IDUA: variants seen among roughly 807,000 people sequenced by gnomAD.
IDUA encodes the protein iduronidase alpha-L-.
Under a neutral mutation model 68.9 loss-of-function variants are expected in IDUA, and 65 were observed. That is an observed-to-expected ratio of 0.94 (90% CI 0.77 to 1.16). The LOEUF (loss-of-function observed/expected upper bound fraction) is 1.16. IDUA is among the 50% of genes most tolerant of loss of function. The pLI is 0.00. For missense variants in IDUA, 1,046 were observed against 938.0 expected, an observed-to-expected ratio of 1.12 and a Z score of -1.50; for synonymous variants, 529 against 433.6, an observed-to-expected ratio of 1.22 and a Z score of -2.73.
chr4:989,390 C>A (rs187110381), intron 2 of IDUA: 10 of 1,569,370 alleles, frequency 6.4e-6, no homozygotes, highest in Non-Finnish European at 8.6e-6. Context: ...GCCGTGTCCC[C>A]GATGCGGGCC....
At chr4:1,003,181 G>GGGGCCGGGCC in intron 10 of IDUA, 24 bp downstream of exon 10, 1 of 1,328,988 alleles carries the variant, frequency 7.5e-7, no homozygotes, top group Non-Finnish European at 9.6e-7. Flanking sequence ...GGAGGGGCGA[G>GGGGCCGGGCC]GGGCCGGGCC....
Position 1,002,045 on chromosome 4 carries a change from C to T in IDUA, c.856C>T (p.Leu286Phe). 6.3e-7 allele frequency: 1 copy of T among 1,598,194 alleles called. No homozygotes were observed. Among genetic ancestry groups the T allele is most frequent in the South Asian group, 1.1e-5 (1 of 88,190 alleles). The change falls in exon 7 of 14, where the codon CTC becomes TTC. Residue 286 changes from leucine (L) to phenylalanine (F), a missense_variant. Transcript: ENST00000514224. ...EKVVAQQIRQLFPKFADTPIY... is the reference protein window; with the variant it reads ...EKVVAQQIRQFFPKFADTPIY... ...GGTCGTCGCGCAGCAGATCCGGCAGCTCTTCCCCAAGTTCGCGGACACCCC... is the reference window on the plus strand; with the variant it reads ...GGTCGTCGCGCAGCAGATCCGGCAGTTCTTCCCCAAGTTCGCGGACACCCC...
In IDUA at chr4:991,449, C is replaced by T. The variant is rs147094131; in HGVS notation, c.299+3500C>T. 2,521 of 1,612,720 alleles carry T rather than the reference C, an allele frequency of 1.6e-3. 4 individuals carry two copies. Among genetic ancestry groups the T allele is most frequent in the Non-Finnish European group, 2.0e-3 (2,320 of 1,179,910 alleles). On this transcript the variant is annotated intron_variant, in intron 2 of 13. Transcript: ENST00000514224. ...CCAGCAATGAGTAGGCGATGGCCTG[C>T]GGCACCAGGATGATGCCGATGACCA...
rs1374287949 is a variant in IDUA at position 1,002,868 on chromosome 4, G to A, written c.1326G>A (p.Ala442=). ...GGCGCGCCGCGGTGCTGATCTACGC[G>A]AGCGACGACACCCGCGCCCACCCCA... ...DAWRAAVLIY[A]SDDTRAHPNR... The change falls in exon 9 of 14, where the codon GCG becomes GCA. Residue 442 remains alanine (A), a synonymous_variant. Coordinates refer to ENST00000514224, the MANE Select transcript of IDUA (RefSeq NM_000203.5). 10 of 1,445,110 alleles carry A rather than the reference G, an allele frequency of 6.9e-6. No individual in the cohort carries two copies. The highest frequency in any genetic ancestry group is 7.2e-6 in the Non-Finnish European group (8 of 1,105,012). The allele number at this position is 1,445,110 out of a possible 1,614,324, so 89.5% of individuals were successfully genotyped here.
At chr4:1,000,838 G>C in intron 3 of IDUA, 44 bp from the exon 4 acceptor site, 1 of 1,539,574 alleles carries the variant, frequency 6.5e-7, no homozygotes, top group African/African-American at 1.4e-5. Context: ...CAGAGCATGG[G>C]TGTGGTGTGT....
chr4:1,002,127 G>A lies in IDUA; in HGVS notation c.938G>A (p.Arg313Lys), dbSNP rs1715123655. The A allele has an allele frequency of 2.6e-6, 4 of 1,566,208 alleles. No individual in the cohort carries two copies. The highest frequency in any genetic ancestry group is 3.5e-6 in the Non-Finnish European group (4 of 1,156,162). Reference protein sequence around the residue: ...LVGWSLPQPWRADVTYAAMVV... With the variant: ...LVGWSLPQPWKADVTYAAMVV... ...GGCTGGTCCCTGCCACAGCCGTGGAGGGCGGACGTGACCTACGCGGCCATG... is the reference window on the plus strand; with the variant it reads ...GGCTGGTCCCTGCCACAGCCGTGGAAGGCGGACGTGACCTACGCGGCCATG... Residue 313 changes from arginine (R) to lysine (K), a missense_variant, in exon 7 of 14, where the codon AGG (arginine) becomes AAG (lysine). By Grantham distance (26) the Arg-to-Lys change is conservative. Coordinates refer to ENST00000514224, the MANE Select transcript of IDUA (RefSeq NM_000203.5).
chr4:1,001,414 A>G (rs1715063558), intron 4 of IDUA, 54 bp from the exon 5 acceptor site: 1 of 1,416,694 alleles, frequency 7.1e-7, no homozygotes, highest in Non-Finnish European at 1.0e-6. Context: ...CCTCCGTGGG[A>G]GTCACTGAGG....
chr4:1,002,879 C>G lies in IDUA; in HGVS notation c.1337C>G (p.Thr446Ser), dbSNP rs1295530132. ...GTGCTGATCTACGCGAGCGACGACA[C>G]CCGCGCCCACCCCAACCGCAGCGTC... is the stretch of plus-strand genomic sequence containing the variant. ...AAVLIYASDD[T>S]RAHPNRSVAV... The change falls in exon 9 of 14, where the codon ACC (threonine) becomes AGC (serine). Residue 446 changes from threonine (T) to serine (S), a missense_variant. Thr to Ser is a moderately conservative substitution (Grantham distance 58, BLOSUM62 1). Transcript: ENST00000514224. 2.1e-6 allele frequency: 3 copies of G among 1,435,210 alleles called. No homozygotes were observed. Among genetic ancestry groups the G allele is most frequent in the South Asian group, 2.8e-5 (2 of 71,474 alleles). The allele number at this position is 1,435,210 out of a possible 1,614,324, so 88.9% of individuals were successfully genotyped here.
chr4:1,000,725 C>T, intron 3 of IDUA, 28 bp downstream of exon 3: 1 of 1,559,332 alleles, frequency 6.4e-7, no homozygotes, highest in Non-Finnish European at 8.8e-7. Flanking sequence ...CCCTCCCAGC[C>T]CGCCTGCACC....
chr4:993,637 G>GC (rs1032244825), intron 2 of IDUA, among the ~76,000 whole-genome samples: 3 of 152,206 alleles, frequency 2.0e-5, no homozygotes, highest in Non-Finnish European at 4.4e-5. Context: ...CTGCCGGGGG[G>GC]GCTTAGGGAC....
At chr4:987,482 ACCAGGAGTCT>A (rs1489209918) in intron 1 of IDUA, among the ~76,000 whole-genome samples, 1 of 152,016 alleles carries the variant, frequency 6.6e-6, no homozygotes, top group African/African-American at 2.4e-5. Flanking sequence ...TTTGAGGTAA[ACCAGGAGTCT>A]CCCCTGGGAG....
intron 2 of IDUA, chr4:989,060 C>T: frequency 6.3e-7 from 1 of 1,586,892 alleles, no homozygotes; most frequent in Non-Finnish European, 8.6e-7. Context: ...AGCGTGCTCA[C>T]ACCGGCTGCG....
At chr4:997,248 G>A (rs1451784387) in intron 2 of IDUA, among the ~76,000 whole-genome samples, 2 of 151,724 alleles carry the variant, frequency 1.3e-5, no homozygotes, top group Non-Finnish European at 2.9e-5. Context: ...CCTTCGTCCC[G>A]GCCACAGATG....
In IDUA at chr4:1,004,395, C is replaced by T; in HGVS notation, c.*2C>T. 2 of 1,610,062 alleles carry T rather than the reference C, an allele frequency of 1.2e-6. No individual in the cohort carries two copies. Among genetic ancestry groups the T allele is most frequent in the Non-Finnish European group, 1.7e-6 (2 of 1,179,966 alleles). On this transcript the variant is annotated 3_prime_UTR_variant, in exon 14 of 14. Coordinates refer to ENST00000514224, the MANE Select transcript of IDUA (RefSeq NM_000203.5). The surrounding 1 kb of genome is among the most constrained non-coding windows in gnomAD (Gnocchi z 5.0). ...CCCCCATCCCCGGGCAATCCATGAGCCTGTGCTGAGCCCCAGTGGGTTGCA... is the reference window on the plus strand; with the variant it reads ...CCCCCATCCCCGGGCAATCCATGAGTCTGTGCTGAGCCCCAGTGGGTTGCA...
intron 2 of IDUA, among the ~76,000 whole-genome samples, chr4:994,336 T>G (rs868028385): frequency 1.3e-5 from 2 of 151,678 alleles, no homozygotes; most frequent in South Asian, 4.2e-4. Context: ...AATGCAGTGG[T>G]GTGATCTCGG....
rs1713873324 is a variant in IDUA, at chr4:987,947, C to G, written c.297C>G (p.Thr99=). ...RTHWLLELVT[T]RGSTGRGLSY... The stretch of plus-strand genomic sequence containing the variant: ...ACTGGCTGCTGGAGCTTGTCACCAC[C>G]AGGTGGGCGGCGGGCAGGGTCTGGG... Residue 99 remains threonine (T), a splice_region_variant and synonymous_variant, in exon 2 of 14, where the codon ACC becomes ACG. Transcript: ENST00000514224. The G allele has an allele frequency of 2.5e-6, 4 of 1,575,726 alleles. No homozygotes were observed. The highest frequency in any genetic ancestry group is 3.4e-6 in the Non-Finnish European group (4 of 1,160,870).
chr4:991,893 C>T (rs762319807), intron 2 of IDUA: 39 of 1,272,900 alleles, frequency 3.1e-5, no homozygotes, highest in South Asian at 1.5e-4. Flanking sequence ...GCCCCCTGCC[C>T]GGTATGGATG....
Position 1,003,205 on chromosome 4 carries a change from G to C in IDUA, c.1524+48G>C, listed in dbSNP as rs765836214. The stretch of plus-strand genomic sequence containing the variant: ...AGGGGCCGGGCCGGGCCGGGGTCCC[G>C]GGGGGGTGGGGTCCGGGGCGGGGGC... On this transcript the variant is annotated intron_variant, in intron 10 of 13. Coordinates refer to ENST00000514224, the MANE Select transcript of IDUA (RefSeq NM_000203.5). The C allele has an allele frequency of 3.9e-6, 5 of 1,283,542 alleles. No individual in the cohort carries two copies. The African/African-American group carries it at 6.3e-5, about 16-fold the overall frequency. 79.5% of individuals were successfully genotyped at this position (1,283,542 alleles called of 1,614,324 possible).
chr4:997,982 G>C (rs1194308027), intron 2 of IDUA, among the ~76,000 whole-genome samples: 1 of 152,242 alleles, frequency 6.6e-6, no homozygotes, highest in South Asian at 2.1e-4. Context: ...GCCCAGCTGG[G>C]TCTTCACTTT....
Sources: allele counts gnomAD v4.1 joint callset (sites outside exome capture counted in the v4.1 genomes callset), GRCh38; gene constraint gnomAD v4.1.1; non-coding constraint Gnocchi (gnomAD v3.1); transcripts MANE v1.5; gene names NCBI Gene and HGNC (gene_info 2026-07-23, HGNC 2026-07-21).